Variants in CEP162 observed in about 807,000 individuals in gnomAD.
CEP162 encodes centrosomal protein of 162 kDa.
In CEP162, 141 loss-of-function variants were observed where a neutral mutation model predicts 169.2. That is an observed-to-expected ratio of 0.83 (90% CI 0.73 to 0.96). CEP162 has a LOEUF of 0.96. Ranked by LOEUF, CEP162 falls within the 40% of genes least tolerant of loss-of-function variation. CEP162 has a pLI of 0.00. For missense variants in CEP162, 1,600 were observed against 1,587.2 expected, an observed-to-expected ratio of 1.01 and a Z score of -0.14; for synonymous variants, 540 against 526.4, an observed-to-expected ratio of 1.03 and a Z score of -0.35.
chr6:84,194,096 T>C (rs2099541046), intron 10 of CEP162, among the ~76,000 whole-genome samples: 3 of 152,168 alleles, frequency 2.0e-5, no homozygotes, highest in South Asian at 4.1e-4. Context: ...GGCTCATGCC[T>C]GTAATCTCAG....
chr6:84,149,608 G>T lies in CEP162; in HGVS notation c.3725C>A (p.Ser1242Tyr), dbSNP rs756224926. The stretch of plus-strand genomic sequence containing the variant: ...ATTTAGTTCAGCTACTTTGGAAGAA[G>T]AATTTTCTACTGCATTTTGGCAAAG... ...KLLCQNAVEN[S>Y]SSKVAELNRK... The change falls in exon 24 of 27, where the codon TCT (serine) becomes TAT (tyrosine). Residue 1242 changes from serine (S) to tyrosine (Y), a missense_variant. Ser to Tyr is a moderately radical substitution (Grantham distance 144, BLOSUM62 -2). Transcript: ENST00000403245. The T allele has an allele frequency of 2.5e-6, 4 of 1,604,150 alleles. No individual in the cohort carries two copies. The highest frequency in any genetic ancestry group is 1.7e-6 in the Non-Finnish European group (2 of 1,174,962).
intron 18 of CEP162, among the ~76,000 whole-genome samples, chr6:84,163,735 G>T (rs2099526657): frequency 6.6e-6 from 1 of 151,952 alleles, no homozygotes; most frequent in Non-Finnish European, 1.5e-5. Context: ...GGAGGCCAAG[G>T]TGGGCGGATC....
intron 8 of CEP162, 54 bp from the exon 9 acceptor site, chr6:84,200,959 G>A: frequency 9.2e-7 from 1 of 1,092,670 alleles, no homozygotes; most frequent in Non-Finnish European, 1.4e-6. Context: ...CAGTGGTTCT[G>A]TTGATCTAAT....
chr6:84,150,148 T>G (rs2099520556), intron 23 of CEP162, among the ~76,000 whole-genome samples: 1 of 152,176 alleles, frequency 6.6e-6, no homozygotes, highest in South Asian at 2.1e-4. Context: ...ACTCCAGGGC[T>G]AGTTGCATAT....
intron 6 of CEP162, among the ~76,000 whole-genome samples, chr6:84,207,638 G>A (rs1046625067): frequency 6.6e-6 from 1 of 151,824 alleles, no homozygotes; most frequent in African/African-American, 2.4e-5. Context: ...AACGGGTGCA[G>A]CACACCAACA....
At chr6:84,129,197 G>GTATA (rs1261820232) in intron 25 of CEP162, among the ~76,000 whole-genome samples, 1 of 152,108 alleles carries the variant, frequency 6.6e-6, no homozygotes, top group Non-Finnish European at 1.5e-5. Flanking sequence ...AATCCTTTGG[G>GTATA]TATATACCCA....
chr6:84,196,074 A>G (rs759150094), intron 9 of CEP162, among the ~76,000 whole-genome samples: 4 of 152,092 alleles, frequency 2.6e-5, no homozygotes, highest in Non-Finnish European at 5.9e-5. Context: ...TTCCTTCCCT[A>G]TTAGCCTTCT....
rs1222820874 is a variant in CEP162 at position 84,215,876 on chromosome 6, A to C, written c.219T>G (p.Ser73=). The change falls in exon 4 of 27, where the codon TCT becomes TCG. Residue 73 remains serine (S), a synonymous_variant. Transcript: ENST00000403245. ...NVSYLKTKKT[S]QPVMEIEEES... is the part of the protein sequence containing the mutation. Reference sequence around the variant, plus strand: ...CCTCTTCTATTTCCATAACAGGCTGAGAAGTCTTCTTTGTTTTCAAATAGC... The same window carrying C: ...CCTCTTCTATTTCCATAACAGGCTGCGAAGTCTTCTTTGTTTTCAAATAGC... 6.3e-7 allele frequency: 1 copy of C among 1,579,588 alleles called. No homozygotes were observed. Among genetic ancestry groups the C allele is most frequent in the Admixed American group, 1.8e-5 (1 of 54,614 alleles).
intron 6 of CEP162, among the ~76,000 whole-genome samples, chr6:84,208,567 G>C (rs1369188052): frequency 6.6e-6 from 1 of 152,190 alleles, no homozygotes; most frequent in Non-Finnish European, 1.5e-5. Flanking sequence ...GAATTTGAGA[G>C]GGTTTGGGAG....
intron 3 of CEP162, chr6:84,219,363 C>A: frequency 8.2e-6 from 3 of 364,754 alleles, no homozygotes; most frequent in South Asian, 6.6e-5. Flanking sequence ...TTTTACTAAT[C>A]AAATCTATTT....
At chr6:84,128,568 C>A (rs1020521658) in intron 25 of CEP162, among the ~76,000 whole-genome samples, 1 of 152,126 alleles carries the variant, frequency 6.6e-6, no homozygotes, top group African/African-American at 2.4e-5. Flanking sequence ...AGTTATTTCA[C>A]TTTCCTTAGC....
At chr6:84,158,818 T>C (rs545816564) in intron 21 of CEP162, among the ~76,000 whole-genome samples, 5 of 152,134 alleles carry the variant, frequency 3.3e-5, no homozygotes, top group African/African-American at 1.2e-4. Flanking sequence ...TTGAAATATA[T>C]ACTGTATTTT....
chr6:84,206,165 G>A (rs1207426895), intron 6 of CEP162, among the ~76,000 whole-genome samples: 4 of 149,232 alleles, frequency 2.7e-5, no homozygotes, highest in East Asian at 3.9e-4. Flanking sequence ...TACAGATACA[G>A]TGCCATCCCC....
intron 25 of CEP162, among the ~76,000 whole-genome samples, chr6:84,133,611 G>A (rs1205166492): frequency 5.3e-5 from 8 of 152,130 alleles, no homozygotes; most frequent in Non-Finnish European, 7.3e-5. Context: ...GTTCAATCTC[G>A]GACTGCTGTG....
intron 6 of CEP162, among the ~76,000 whole-genome samples, chr6:84,211,508 CAG>C (rs1238237156): frequency 1.9e-5 from 2 of 105,198 alleles, no homozygotes; most frequent in Non-Finnish European, 3.4e-5. Flanking sequence ...GCCTGGCTGA[CAG>C]AGCAAGATTC....
chr6:84,148,737 C>T (rs2099520003), intron 24 of CEP162, among the ~76,000 whole-genome samples: 1 of 151,960 alleles, frequency 6.6e-6, no homozygotes, highest in Admixed American at 6.6e-5. Flanking sequence ...TCTCCCTGAC[C>T]TTCTTTCTTA....
At position 84,204,993 on chromosome 6, in the gene CEP162, G is replaced by C. The variant is rs572834961; in HGVS notation, c.572-897C>G. 1.9e-3 allele frequency among the ~76,000 whole-genome samples: 290 copies of C among 151,990 alleles called. 1 individual carries two copies. The highest frequency in any genetic ancestry group is 6.7e-3 in the African/African-American group (278 of 41,374). ...AATCTAGAAGAAACGGATAAATCCT[G>C]GACACATACACCCTCCCAAGACTAA... On this transcript the variant is annotated intron_variant, in intron 6 of 26. Coordinates refer to ENST00000403245, the MANE Select transcript of CEP162 (RefSeq NM_014895.4).
intron 21 of CEP162, among the ~76,000 whole-genome samples, chr6:84,158,281 T>C (rs2099524036): frequency 6.6e-6 from 1 of 152,202 alleles, no homozygotes; most frequent in African/African-American, 2.4e-5. Flanking sequence ...AACTAATCCC[T>C]CAGTTTAAAT....
intron 25 of CEP162, among the ~76,000 whole-genome samples, chr6:84,141,765 G>A (rs957007496): frequency 1.3e-5 from 2 of 152,104 alleles, no homozygotes; most frequent in African/African-American, 4.8e-5. Context: ...TGGCTTTGCT[G>A]TACCTACACT....
Sources: allele counts gnomAD v4.1 joint callset (sites outside exome capture counted in the v4.1 genomes callset), GRCh38; gene constraint gnomAD v4.1.1; transcripts MANE v1.5; gene names NCBI Gene and HGNC (gene_info 2026-07-23, HGNC 2026-07-21).